EBF2: variants seen among roughly 807,000 people sequenced by gnomAD.
The protein encoded by EBF2 is transcription factor COE2.
EBF2 carries 21 observed loss-of-function variants against 72.8 expected under a neutral mutation model. The observed-to-expected ratio is 0.29, with a 90% confidence interval of 0.20 to 0.42. The LOEUF is 0.42. Ranked by LOEUF, EBF2 falls within the 10% of genes least tolerant of loss-of-function variation. The pLI is 1.00. For synonymous variants in EBF2, 299 were observed against 274.2 expected (o/e 1.09, Z -0.89); for missense variants, 637 against 731.2 (o/e 0.87, Z 1.49).
At chr8:26,036,469 G>A (rs1805502129) in intron 5 of EBF2, among the ~76,000 whole-genome samples, 1 of 152,034 alleles carries the variant, frequency 6.6e-6, no homozygotes, top group South Asian at 2.1e-4. Context: ...AAAAATAATA[G>A]AACTTGGTTG....
intron 10 of EBF2, among the ~76,000 whole-genome samples, chr8:25,863,371 A>C (rs546449393): frequency 1.3e-5 from 2 of 152,172 alleles, no homozygotes; most frequent in South Asian, 4.2e-4. Flanking sequence ...TACAAATTTT[A>C]TTTCACCACT....
intron 6 of EBF2, among the ~76,000 whole-genome samples, chr8:25,986,000 T>TAAAAAAAA (rs1804445550): frequency 7.9e-4 from 2 of 2,520 alleles, no homozygotes; most frequent in African/African-American, 3.2e-3. Context: ...AAACTCTGTC[T>TAAAAAAAA]CAAAAAAAAA....
chr8:26,006,224 ACCACCCTCAC>A (rs1369918683), intron 6 of EBF2, among the ~76,000 whole-genome samples: 1 of 152,186 alleles, frequency 6.6e-6, no homozygotes, highest in African/African-American at 2.4e-5. Context: ...ACATCATCAC[ACCACCCTCAC>A]CATTGACTCT....
intron 6 of EBF2, among the ~76,000 whole-genome samples, chr8:26,029,260 G>A (rs1406848619): frequency 6.6e-6 from 1 of 152,180 alleles, no homozygotes; most frequent in African/African-American, 2.4e-5. Context: ...AGAAAGCCAA[G>A]TTGTTTTGTG....
At chr8:25,939,853 T>A (rs930258323) in intron 6 of EBF2, among the ~76,000 whole-genome samples, 3 of 152,180 alleles carry the variant, frequency 2.0e-5, no homozygotes, top group Non-Finnish European at 4.4e-5. Context: ...GTAGGTAGGA[T>A]TTACCAGGGA....
intron 6 of EBF2, among the ~76,000 whole-genome samples, chr8:25,942,859 C>CTT (rs1371601813): frequency 6.6e-6 from 1 of 152,162 alleles, no homozygotes; most frequent in African/African-American, 2.4e-5. Context: ...CGCTCTTCTG[C>CTT]TGTTCACAGG....
chr8:25,914,383 G>A (rs1335207328), intron 6 of EBF2, among the ~76,000 whole-genome samples: 1 of 152,218 alleles, frequency 6.6e-6, no homozygotes, highest in Non-Finnish European at 1.5e-5. Context: ...TAGGGAAGGT[G>A]AAGGTTAGCA....
chr8:25,969,297 C>T (rs546458825), intron 6 of EBF2, among the ~76,000 whole-genome samples: 12 of 152,322 alleles, frequency 7.9e-5, no homozygotes, highest in African/African-American at 2.4e-4. Context: ...CCATTTCTTG[C>T]GCAAAGCCTA....
At chr8:25,887,381 T>C (rs1295522314) in intron 9 of EBF2, among the ~76,000 whole-genome samples, 1 of 152,220 alleles carries the variant, frequency 6.6e-6, no homozygotes, top group Non-Finnish European at 1.5e-5. Context: ...TATATGATGA[T>C]GAAAGTCAAA....
chr8:25,980,331 T>C (rs1405272052), intron 6 of EBF2, among the ~76,000 whole-genome samples: 1 of 152,200 alleles, frequency 6.6e-6, no homozygotes, highest in Non-Finnish European at 1.5e-5. Context: ...TTGAGGCTGC[T>C]GCTTTAAAGA....
chr8:26,028,911 CA>C (rs1478007855), intron 6 of EBF2, among the ~76,000 whole-genome samples: 1 of 152,228 alleles, frequency 6.6e-6, no homozygotes, highest in Non-Finnish European at 1.5e-5. Flanking sequence ...GATTCAGCAG[CA>C]AGTCCTGCTA....
At chr8:25,939,578 CA>C (rs1803635436) in intron 6 of EBF2, among the ~76,000 whole-genome samples, 1 of 152,190 alleles carries the variant, frequency 6.6e-6, no homozygotes, top group African/African-American at 2.4e-5. Flanking sequence ...TAAAATGGAA[CA>C]GGGGCTTCTC....
chr8:26,020,300 C>T (rs1297232989), intron 6 of EBF2, among the ~76,000 whole-genome samples: 2 of 152,180 alleles, frequency 1.3e-5, no homozygotes, highest in Non-Finnish European at 2.9e-5. Context: ...AGCAGACTTC[C>T]AGTGTTTGGG....
chr8:25,860,586 G>C (rs530756571), intron 13 of EBF2, among the ~76,000 whole-genome samples: 1 of 151,282 alleles, frequency 6.6e-6, no homozygotes. Context: ...CAGTGTGCCA[G>C]CGCACCCCAC....
intron 6 of EBF2, among the ~76,000 whole-genome samples, chr8:26,005,608 G>T (rs866536192): frequency 1.3e-4 from 13 of 103,408 alleles, no homozygotes; most frequent in South Asian, 1.2e-3. Context: ...CAGGAGGCTC[G>T]GTTGAGCCCC....
intron 6 of EBF2, among the ~76,000 whole-genome samples, chr8:26,004,585 G>A (rs1407969899): frequency 2.1e-5 from 3 of 143,048 alleles, no homozygotes; most frequent in African/African-American, 5.2e-5. Flanking sequence ...TGAGGCACAC[G>A]AATTGTTGGA....
intron 14 of EBF2, among the ~76,000 whole-genome samples, chr8:25,855,987 G>A (rs1366079267): frequency 6.6e-6 from 1 of 152,076 alleles, no homozygotes; most frequent in Non-Finnish European, 1.5e-5. Flanking sequence ...GAAGATTTGG[G>A]GTGTTATTAG....
At chr8:25,902,631 TC>T (rs1802974854) in intron 7 of EBF2, among the ~76,000 whole-genome samples, 1 of 152,250 alleles carries the variant, frequency 6.6e-6, no homozygotes, top group African/African-American at 2.4e-5. Flanking sequence ...TCGATTGCCT[TC>T]AAGCAGCACA....
chr8:25,945,781 C>T (rs1803759364), intron 6 of EBF2, among the ~76,000 whole-genome samples: 1 of 151,904 alleles, frequency 6.6e-6, no homozygotes, highest in African/African-American at 2.4e-5. Context: ...ATTTTTACTG[C>T]TGCTGGAGGG....
Sources: gnomAD v4.1 joint callset for allele counts (sites outside exome capture counted in the v4.1 genomes callset) on GRCh38, gnomAD v4.1.1 for gene constraint, MANE v1.5 for transcripts, NCBI Gene and HGNC (gene_info 2026-07-23, HGNC 2026-07-21) for gene names.